HNF4G: variants seen among roughly 807,000 people sequenced by gnomAD.
HNF4G encodes the protein hepatocyte nuclear factor 4 gamma, also known as hepatocyte nuclear factor 4-gamma.
HNF4G carries 21 observed loss-of-function variants against 50.9 expected under a neutral mutation model. The observed-to-expected ratio is 0.41, with a 90% CI of 0.29 to 0.59. The LOEUF is 0.59. Ranked by LOEUF, HNF4G falls within the 20% of genes least tolerant of loss-of-function variation. The pLI, the probability that HNF4G is intolerant of heterozygous loss-of-function variation, is 0.26. For synonymous variants in HNF4G, 198 were observed against 185.6 expected, an observed-to-expected ratio of 1.07 and a Z score of -0.54; for missense variants, 527 against 559.4, an observed-to-expected ratio of 0.94 and a Z score of 0.58.
chr8:75,456,464 T>C (rs1474166722), intron 1 of HNF4G, among the ~76,000 whole-genome samples: 1 of 152,164 alleles, frequency 6.6e-6, no homozygotes, highest in Non-Finnish European at 1.5e-5. Flanking sequence ...AGAGTATAAC[T>C]TTTCCTGTGT....
intron 9 of HNF4G, among the ~76,000 whole-genome samples, chr8:75,563,755 C>T (rs572214080): frequency 6.6e-6 from 1 of 152,048 alleles, no homozygotes; most frequent in Admixed American, 6.6e-5. Context: ...AATTTTTTAA[C>T]ATGACCTCTT....
At chr8:75,544,113 G>A (rs1806702421) in intron 2 of HNF4G, 134 bp downstream of exon 2, 1 of 694,986 alleles carries the variant, frequency 1.4e-6, no homozygotes, top group East Asian at 2.7e-5. Context: ...TGCGGTACAA[G>A]TAAGAACGTG....
chr8:75,558,406 C>T, intron 6 of HNF4G, 112 bp from the exon 7 acceptor site: 1 of 928,186 alleles, frequency 1.1e-6, no homozygotes. Context: ...ATCACTATTC[C>T]TTCAAGGGTA....
chr8:75,437,616 A>G (rs925259688), intron 1 of HNF4G, among the ~76,000 whole-genome samples: 4 of 152,188 alleles, frequency 2.6e-5, no homozygotes, highest in African/African-American at 4.8e-5. Flanking sequence ...TGCAGGGTGC[A>G]GTGAGCCGAG....
At chr8:75,492,081 T>C (rs1022750327) in intron 2 of HNF4G, among the ~76,000 whole-genome samples, 21 of 152,240 alleles carry the variant, frequency 1.4e-4, no homozygotes, top group African/African-American at 4.8e-4. Flanking sequence ...TTTCATTTTT[T>C]CCTTACATAC....
intron 1 of HNF4G, among the ~76,000 whole-genome samples, chr8:75,470,149 A>G (rs568192285): frequency 9.8e-5 from 15 of 152,306 alleles, no homozygotes; most frequent in African/African-American, 2.6e-4. Flanking sequence ...TTTGCTCTTA[A>G]GCCTTTCAGG....
chr8:75,433,427 A>AAAG (rs1554568349), intron 1 of HNF4G, among the ~76,000 whole-genome samples: 4 of 151,686 alleles, frequency 2.6e-5, no homozygotes, highest in Non-Finnish European at 5.9e-5. Context: ...AAAAAAAAAA[A>AAAG]AAAGAAAGAA....
At chr8:75,485,947 C>G (rs1812487574) in intron 1 of HNF4G, 1 of 152,192 alleles carries the variant, frequency 6.6e-6, no homozygotes, top group South Asian at 2.1e-4. Flanking sequence ...TTAAGTCATA[C>G]TGCCGACACA....
chr8:75,555,940 A>G (rs377482307), intron 5 of HNF4G, 42 bp from the exon 6 acceptor site: 97 of 1,055,552 alleles, frequency 9.2e-5, no homozygotes, highest in Admixed American at 2.5e-4. Context: ...TTTAATCATT[A>G]TATATTATAA....
chr8:75,447,191 C>G (rs1253234122), intron 1 of HNF4G, among the ~76,000 whole-genome samples: 8 of 50,302 alleles, frequency 1.6e-4, no homozygotes, highest in African/African-American at 1.0e-3. Flanking sequence ...AAAGGATTCC[C>G]TATTTAATAA....
At chr8:75,454,506 A>G (rs1811672203) in intron 1 of HNF4G, among the ~76,000 whole-genome samples, 2 of 152,128 alleles carry the variant, frequency 1.3e-5, no homozygotes, top group East Asian at 1.9e-4. Flanking sequence ...TTGCCTTTCT[A>G]TGTCATCTCC....
intron 2 of HNF4G, among the ~76,000 whole-genome samples, chr8:75,520,174 G>T (rs1362342576): frequency 6.6e-6 from 1 of 151,786 alleles, no homozygotes; most frequent in African/African-American, 2.4e-5. Flanking sequence ...TGTAAAAGGT[G>T]GAAAACACTT....
At chr8:75,542,975 G>A (rs1471030763) in intron 1 of HNF4G, among the ~76,000 whole-genome samples, 1 of 152,162 alleles carries the variant, frequency 6.6e-6, no homozygotes, top group African/African-American at 2.4e-5. Flanking sequence ...CGCCTGCTGA[G>A]GTGGGCAGAC....
chr8:75,564,183 T>G lies in HNF4G; in HGVS notation c.*87T>G. ...TCAGGATAGCACTTTTGGCAAACTCTTAGCCAAGGCTTCTTCATTGGTGCT... is the reference window on the plus strand; with the variant it reads ...TCAGGATAGCACTTTTGGCAAACTCGTAGCCAAGGCTTCTTCATTGGTGCT... On this transcript the variant is annotated 3_prime_UTR_variant, in exon 10 of 10. Coordinates refer to ENST00000396423, the MANE Select transcript of HNF4G (RefSeq NM_004133.5). The G allele has an allele frequency of 7.3e-7, 1 of 1,379,110 alleles. No homozygotes were observed. 85.4% of individuals were successfully genotyped at this position (1,379,110 alleles called of 1,614,324 possible).
At chr8:75,521,579 C>A (rs1387384378) in intron 2 of HNF4G, among the ~76,000 whole-genome samples, 1 of 152,036 alleles carries the variant, frequency 6.6e-6, no homozygotes, top group Non-Finnish European at 1.5e-5. Flanking sequence ...TTCTAATAGT[C>A]CTGAATTCTG....
chr8:75,537,075 A>C (rs1209789559), upstream of HNF4G, among the ~76,000 whole-genome samples: 1 of 152,090 alleles, frequency 6.6e-6, no homozygotes, highest in Non-Finnish European at 1.5e-5. Context: ...CATACTAATT[A>C]GTTTTCAGGG....
chr8:75,537,533 A>C (rs1806499291), upstream of HNF4G, among the ~76,000 whole-genome samples: 1 of 152,132 alleles, frequency 6.6e-6, no homozygotes, highest in Non-Finnish European at 1.5e-5. Context: ...GGCGTGAGCT[A>C]CCGTGCCTGG....
Position 75,564,293 on chromosome 8 carries a change from T to C in HNF4G, c.*197T>C. The C allele has an allele frequency of 1.9e-6, 1 of 533,542 alleles. No homozygotes were observed. The highest frequency in any genetic ancestry group is 3.3e-6 in the Non-Finnish European group (1 of 305,194). 33.1% of individuals were successfully genotyped at this position (533,542 alleles called of 1,614,324 possible). ...ATGTAAAACTTTCACATGCAACCAA[T>C]GTATATCTGAGTTTGAAGATGTTTA... is the stretch of plus-strand genomic sequence containing the variant. On this transcript the variant is annotated 3_prime_UTR_variant, in exon 10 of 10. Transcript: ENST00000396423.
upstream of HNF4G, among the ~76,000 whole-genome samples, chr8:75,538,944 G>A (rs886544515): frequency 3.3e-5 from 5 of 152,168 alleles, no homozygotes; most frequent in East Asian, 1.9e-4. Flanking sequence ...TGTGGAAAAG[G>A]ACATTCTGAA....
Sources: allele counts gnomAD v4.1 joint callset (sites outside exome capture counted in the v4.1 genomes callset), GRCh38; gene constraint gnomAD v4.1.1; transcripts MANE v1.5; gene names NCBI Gene and HGNC (gene_info 2026-07-23, HGNC 2026-07-21).